The following SHANK2 variants were observed in gnomAD, a reference collection of about 807,000 sequenced individuals.
SHANK2 encodes SH3 and multiple ankyrin repeat domains 2.
Under a neutral mutation model 133.7 loss-of-function variants are expected in SHANK2, and 43 were observed. The ratio of observed to expected loss-of-function variants is 0.32; its 90% CI spans 0.25 to 0.41. The LOEUF (loss-of-function observed/expected upper bound fraction) is 0.41, where lower values mean the gene tolerates loss of function less well. SHANK2 is among the 10% of genes least tolerant of loss of function. SHANK2 has a pLI of 1.00. For missense variants in SHANK2, 1,994 were observed against 2,235.8 expected (o/e 0.89, Z 2.18); for synonymous variants, 1,017 against 952.8 (o/e 1.07, Z -1.24).
chr11:70,729,205 T>C (rs201167419), intron 14 of SHANK2, among the ~76,000 whole-genome samples: 2 of 118,596 alleles, frequency 1.7e-5, no homozygotes, highest in Non-Finnish European at 3.5e-5. Flanking sequence ...TAAAAAAAAA[T>C]TAAAAAAAAA....
chr11:70,847,074 G>T (rs1358902014), intron 11 of SHANK2, among the ~76,000 whole-genome samples: 1 of 152,194 alleles, frequency 6.6e-6, no homozygotes, highest in Non-Finnish European at 1.5e-5. Flanking sequence ...AGAGGTGGAG[G>T]CCCCCATCAA....
chr11:70,907,778 C>A (rs114153677), intron 10 of SHANK2: 2 of 361,778 alleles, frequency 5.5e-6, no homozygotes, highest in Non-Finnish European at 1.1e-5. Context: ...CAAGACACAT[C>A]GGATATGACA....
intron 12 of SHANK2, among the ~76,000 whole-genome samples, chr11:70,815,954 C>A (rs1319361586): frequency 1.3e-5 from 2 of 152,208 alleles, no homozygotes; most frequent in African/African-American, 2.4e-5. Context: ...GGACAGTCGG[C>A]CTCCTCCTAC....
At chr11:70,868,949 G>A (rs1414172154) in intron 11 of SHANK2, among the ~76,000 whole-genome samples, 4 of 152,198 alleles carry the variant, frequency 2.6e-5, no homozygotes, top group Admixed American at 6.5e-5. Flanking sequence ...TTCATGTGAC[G>A]CAGGCTTCAC....
chr11:70,586,356 C>T (rs553227776), intron 17 of SHANK2, among the ~76,000 whole-genome samples: 1 of 152,114 alleles, frequency 6.6e-6, no homozygotes, highest in African/African-American at 2.4e-5. Flanking sequence ...GGATCACTTG[C>T]GCCTTAGAAG....
intron 7 of SHANK2, among the ~76,000 whole-genome samples, chr11:71,093,054 G>GGC (rs1364617644): frequency 1.4e-5 from 2 of 141,460 alleles, no homozygotes; most frequent in Non-Finnish European, 3.1e-5. Flanking sequence ...AAAATAAAGG[G>GGC]GGGGGGGGGC....
intron 1 of SHANK2, among the ~76,000 whole-genome samples, chr11:71,243,733 CA>C (rs1406524077): frequency 1.3e-5 from 2 of 152,054 alleles, no homozygotes; most frequent in Non-Finnish European, 2.9e-5. Flanking sequence ...GACGGTGCTA[CA>C]AACAACTACA....
chr11:70,616,461 C>T (rs541038656), intron 17 of SHANK2, among the ~76,000 whole-genome samples: 15 of 152,196 alleles, frequency 9.9e-5, no homozygotes, highest in African/African-American at 2.9e-4. Flanking sequence ...GTGCTAGGAC[C>T]GCCCGAGGAG....
chr11:70,587,225 A>T (rs1169798961), intron 17 of SHANK2, among the ~76,000 whole-genome samples: 1 of 152,122 alleles, frequency 6.6e-6, no homozygotes, highest in Non-Finnish European at 1.5e-5. Context: ...ATGTCCAGGG[A>T]TGCCACGCCA....
Position 71,201,003 on chromosome 11 carries a change from G to A in SHANK2, c.-13+23694C>T, listed in dbSNP as rs148477727. 3.4e-3 allele frequency among the ~76,000 whole-genome samples: 516 copies of A among 152,204 alleles called. 2 individuals carry two copies. The highest frequency in any genetic ancestry group is 0.012 in the African/African-American group (497 of 41,512). The stretch of plus-strand genomic sequence containing the variant: ...TGTGGCAGGGCCTGCCACGGGCCCC[G>A]AGGATGCATCAGTAAACAACATAAA... On this transcript the variant is annotated intron_variant, in intron 2 of 25. Transcript: ENST00000601538.
chr11:70,913,084 TAAA>T (rs10719298), intron 10 of SHANK2, among the ~76,000 whole-genome samples: 35 of 142,206 alleles, frequency 2.5e-4, no homozygotes, highest in Admixed American at 7.0e-5. Context: ...AAAAGGAAAT[TAAA>T]AAAAAAAAAA....
intron 25 of SHANK2, among the ~76,000 whole-genome samples, chr11:70,484,822 C>T (rs761837812): frequency 6.6e-6 from 1 of 152,172 alleles, no homozygotes; most frequent in Admixed American, 6.5e-5. Flanking sequence ...CTCCCAAGCC[C>T]GCAAACCTGG....
intron 2 of SHANK2, among the ~76,000 whole-genome samples, chr11:71,203,603 AAAAAG>A (rs1555117479): frequency 6.6e-6 from 1 of 152,170 alleles, no homozygotes; most frequent in Non-Finnish European, 1.5e-5. Context: ...TCAAAAGAAA[AAAAAG>A]AAAAGAAAGA....
intron 8 of SHANK2, among the ~76,000 whole-genome samples, chr11:71,087,789 T>C (rs1475525443): frequency 2.6e-5 from 4 of 152,114 alleles, no homozygotes; most frequent in African/African-American, 7.2e-5. Flanking sequence ...ACCTCCACAC[T>C]TGGCTAATTT....
At chr11:71,142,953 G>A (rs185939090) in intron 3 of SHANK2, among the ~76,000 whole-genome samples, 1 of 152,294 alleles carries the variant, frequency 6.6e-6, no homozygotes, top group Non-Finnish European at 1.5e-5. Context: ...TACAGAGCAG[G>A]TCAGGCACAG....
intron 14 of SHANK2, among the ~76,000 whole-genome samples, chr11:70,792,135 C>A (rs1947801324): frequency 6.6e-6 from 1 of 151,974 alleles, no homozygotes; most frequent in Non-Finnish European, 1.5e-5. Context: ...AACCAACTAA[C>A]CAATCAGTCA....
intron 17 of SHANK2, among the ~76,000 whole-genome samples, chr11:70,656,435 C>T (rs941813832): frequency 5.9e-5 from 9 of 152,136 alleles, no homozygotes; most frequent in Admixed American, 5.9e-4. Flanking sequence ...CAAGCCTCGG[C>T]TTCAGCCTCC....
chr11:71,222,896 A>G (rs1555121504), intron 2 of SHANK2, among the ~76,000 whole-genome samples: 6 of 152,232 alleles, frequency 3.9e-5, no homozygotes, highest in Non-Finnish European at 5.9e-5. Context: ...AGTATGCAGC[A>G]TCGGCCACAG....
Position 71,119,014 on chromosome 11 carries a change from G to A in SHANK2, c.226C>T (p.Pro76Ser). The A allele has an allele frequency of 6.4e-7, 1 of 1,551,652 alleles. No homozygotes were observed. Among genetic ancestry groups the A allele is most frequent in the Non-Finnish European group, 8.7e-7 (1 of 1,146,950 alleles). The change falls in exon 4 of 26, where the codon CCG (proline) becomes TCG (serine). Residue 76 changes from proline (P) to serine (S), a missense_variant. By Grantham distance (74) the Pro-to-Ser change is moderately conservative. Transcript: ENST00000601538. ...LQQTKCIRFNPDATVWVAKQR... is the reference protein window; with the variant it reads ...LQQTKCIRFNSDATVWVAKQR... Reference sequence around the variant, plus strand: ...TTTGCAACCCACACTGTGGCATCCGGGTTAAATCGAATGCATTTCTGCCAG... The same window carrying A: ...TTTGCAACCCACACTGTGGCATCCGAGTTAAATCGAATGCATTTCTGCCAG...
Sources: allele counts gnomAD v4.1 joint callset (sites outside exome capture counted in the v4.1 genomes callset), GRCh38; gene constraint gnomAD v4.1.1; transcripts MANE v1.5; gene names NCBI Gene and HGNC (gene_info 2026-07-23, HGNC 2026-07-21).